ETS1: variants seen among roughly 807,000 people sequenced by gnomAD.
The protein encoded by ETS1 is ETS proto-oncogene 1, transcription factor.
Under a neutral mutation model 58.6 loss-of-function variants are expected in ETS1, and 15 were observed. The observed-to-expected ratio is 0.26, with a 90% CI of 0.17 to 0.39. The LOEUF (loss-of-function observed/expected upper bound fraction) is 0.39. ETS1 is among the 10% of genes least tolerant of loss of function. The probability of loss-of-function intolerance (pLI) is 1.00; values close to 1 mark genes in which losing one functional copy is unlikely to be tolerated. For missense variants in ETS1, 417 were observed against 610.5 expected, an observed-to-expected ratio of 0.68 and a Z score of 3.34; for synonymous variants, 214 against 218.2, an observed-to-expected ratio of 0.98 and a Z score of 0.17.
chr11:128,518,006 T>G (rs964195267), intron 3 of ETS1, among the ~76,000 whole-genome samples: 1 of 152,212 alleles, frequency 6.6e-6, no homozygotes, highest in Non-Finnish European at 1.5e-5. Flanking sequence ...CCTGCATAAT[T>G]GAAAACTTGA....
intron 7 of ETS1, among the ~76,000 whole-genome samples, chr11:128,480,717 G>A (rs543216732): frequency 2.9e-4 from 44 of 152,262 alleles, no homozygotes; most frequent in Non-Finnish European, 4.4e-4. Flanking sequence ...AGAGTCAAAC[G>A]TTGCTCACAT....
chr11:128,492,278 T>C (rs1212388689), intron 3 of ETS1, among the ~76,000 whole-genome samples: 2 of 152,256 alleles, frequency 1.3e-5, no homozygotes, highest in African/African-American at 2.4e-5. Context: ...AAATTAAGCA[T>C]AGGATAAACC....
At chr11:128,467,334 G>A (rs775080662) in intron 8 of ETS1, among the ~76,000 whole-genome samples, 14 of 152,142 alleles carry the variant, frequency 9.2e-5, no homozygotes, top group African/African-American at 3.1e-4. Context: ...ATCCACCAGC[G>A]ACACCCACAT....
At chr11:128,520,664 G>A (rs955865646) in intron 3 of ETS1, among the ~76,000 whole-genome samples, 3 of 152,180 alleles carry the variant, frequency 2.0e-5, no homozygotes, top group African/African-American at 7.2e-5. Context: ...CTTGCGAGGA[G>A]ACAAAATCTC....
intron 7 of ETS1, among the ~76,000 whole-genome samples, chr11:128,482,273 T>TGTG (rs1269409423): frequency 2.6e-5 from 4 of 152,218 alleles, no homozygotes; most frequent in African/African-American, 9.6e-5. Flanking sequence ...CAGGAAATTC[T>TGTG]GTGGCGTCTC....
At chr11:128,540,481 C>T (rs188466129) in intron 3 of ETS1, among the ~76,000 whole-genome samples, 168 of 151,466 alleles carry the variant, frequency 1.1e-3, no homozygotes, top group South Asian at 5.0e-3. Flanking sequence ...CTCAATAAAC[C>T]GTTTAAAAAA....
chr11:128,534,818 G>A (rs1440706329), intron 3 of ETS1, among the ~76,000 whole-genome samples: 1 of 152,098 alleles, frequency 6.6e-6, no homozygotes, highest in Non-Finnish European at 1.5e-5. Flanking sequence ...TCTTTATCCA[G>A]TCTATCATTG....
At chr11:128,582,098 G>A (rs1169119054) in intron 1 of ETS1, among the ~76,000 whole-genome samples, 1 of 152,168 alleles carries the variant, frequency 6.6e-6, no homozygotes, top group Non-Finnish European at 1.5e-5. Context: ...TATAAAGAGG[G>A]ATTGTGCAAT....
At chr11:128,484,183 T>C (rs545541171) in intron 7 of ETS1, among the ~76,000 whole-genome samples, 2 of 152,320 alleles carry the variant, frequency 1.3e-5, no homozygotes, top group South Asian at 4.1e-4. Context: ...AATAGTCACG[T>C]TAACAAAACT....
intron 8 of ETS1, among the ~76,000 whole-genome samples, chr11:128,468,407 C>A (rs1336528685): frequency 1.3e-5 from 2 of 152,206 alleles, no homozygotes; most frequent in Non-Finnish European, 2.9e-5. Flanking sequence ...GTGTTAGTAA[C>A]ATGCTCTTGA....
chr11:128,536,421 T>C (rs1460033981), intron 3 of ETS1: 1 of 152,230 alleles, frequency 6.6e-6, no homozygotes, highest in Non-Finnish European at 1.5e-5. Flanking sequence ...ATATAGTCAA[T>C]ATAATTTATT....
intron 3 of ETS1, among the ~76,000 whole-genome samples, chr11:128,553,045 A>G (rs1459675813): frequency 6.6e-6 from 1 of 152,232 alleles, no homozygotes; most frequent in African/African-American, 2.4e-5. Context: ...CAGTCAGACT[A>G]TAAACAGCAA....
At chr11:128,553,446 C>G (rs1342868686) in intron 3 of ETS1, among the ~76,000 whole-genome samples, 1 of 151,940 alleles carries the variant, frequency 6.6e-6, no homozygotes, top group African/African-American at 2.4e-5. Context: ...TTTCCCTTTC[C>G]CATTCATCTT....
At chr11:128,533,599 C>T (rs1175381249) in intron 3 of ETS1, among the ~76,000 whole-genome samples, 1 of 152,188 alleles carries the variant, frequency 6.6e-6, no homozygotes, top group African/African-American at 2.4e-5. Flanking sequence ...TGCATTTTTA[C>T]AGGCTTTTTT....
At chr11:128,553,322 T>C (rs984257638) in intron 3 of ETS1, among the ~76,000 whole-genome samples, 4 of 152,220 alleles carry the variant, frequency 2.6e-5, no homozygotes, top group African/African-American at 4.8e-5. Context: ...TGCATGCAAA[T>C]GTGGCTTCCC....
chr11:128,580,134 C>T (rs893144250), intron 1 of ETS1, among the ~76,000 whole-genome samples: 6 of 139,372 alleles, frequency 4.3e-5, no homozygotes, highest in East Asian at 2.2e-4. Flanking sequence ...AATCCTTGTG[C>T]GTCCTGAGCT....
chr11:128,474,117 C>T (rs527789646), intron 8 of ETS1, among the ~76,000 whole-genome samples: 1 of 152,308 alleles, frequency 6.6e-6, no homozygotes. Flanking sequence ...TCCTCTAAAA[C>T]AGGCAGTGGG....
intron 1 of ETS1, among the ~76,000 whole-genome samples, chr11:128,586,974 CAG>C (rs1348701527): frequency 6.6e-6 from 1 of 152,114 alleles, no homozygotes; most frequent in African/African-American, 2.4e-5. Flanking sequence ...AGTCCCAAGA[CAG>C]AGAAAAACAC....
intron 1 of ETS1, among the ~76,000 whole-genome samples, chr11:128,582,733 G>A (rs1864899727): frequency 6.6e-6 from 1 of 152,092 alleles, no homozygotes; most frequent in Non-Finnish European, 1.5e-5. Context: ...CCATTGTTAT[G>A]CATAAAACCA....
Sources: gnomAD v4.1 joint callset for allele counts (sites outside exome capture counted in the v4.1 genomes callset) on GRCh38, gnomAD v4.1.1 for gene constraint, MANE v1.5 for transcripts, NCBI Gene and HGNC (gene_info 2026-07-23, HGNC 2026-07-21) for gene names.